NSMCE1: variants seen among roughly 807,000 people sequenced by gnomAD.
NSMCE1 encodes the protein NSE1 component of SMC5/6 complex.
NSMCE1 carries 18 observed loss-of-function variants against 29.6 expected under a neutral mutation model. That is an observed-to-expected ratio of 0.61 (90% CI 0.42 to 0.90). The LOEUF is 0.90. Ranked by LOEUF, NSMCE1 falls within the 40% of genes least tolerant of loss-of-function variation. The probability of loss-of-function intolerance (pLI) is 0.00; values close to 1 mark genes in which losing one functional copy is unlikely to be tolerated. For missense variants in NSMCE1, 314 were observed against 343.6 expected, an observed-to-expected ratio of 0.91 and a Z score of 0.68; for synonymous variants, 124 against 133.4, an observed-to-expected ratio of 0.93 and a Z score of 0.49.
intron 2 of NSMCE1, among the ~76,000 whole-genome samples, chr16:27,248,393 C>T (rs189071193): frequency 5.0e-5 from 7 of 139,294 alleles, no homozygotes; most frequent in Admixed American, 3.6e-4. Flanking sequence ...TAGCTCACTG[C>T]GGTTTTAGTT....
chr16:27,231,529 T>C lies in NSMCE1; in HGVS notation c.483+1472A>G, dbSNP rs146235012. Among the ~76,000 whole-genome samples the C allele has an allele frequency of 1.8e-3, 278 of 151,794 alleles. 1 individual carries two copies. The highest frequency in any genetic ancestry group is 6.5e-3 in the African/African-American group (269 of 41,368). On this transcript the variant is annotated intron_variant, in intron 5 of 7. Coordinates refer to ENST00000361439, the MANE Select transcript of NSMCE1 (RefSeq NM_145080.4). Reference sequence around the variant, plus strand: ...GCGCATGCTTGTGATTCCAGCTACTTGGGAGGCTGAGGCAGGAGAATCGCT... The same window carrying C: ...GCGCATGCTTGTGATTCCAGCTACTCGGGAGGCTGAGGCAGGAGAATCGCT...
In NSMCE1 at chr16:27,265,050, T is replaced by C. The variant is rs115358507; in HGVS notation, c.-12+3656A>G. The stretch of plus-strand genomic sequence containing the variant: ...CTCAATGTTATCAGACAAATGATTA[T>C]GAAAACCACAGTGAAGGAATGTCTT... On this transcript the variant is annotated intron_variant, in intron 1 of 7. Coordinates refer to ENST00000361439, the MANE Select transcript of NSMCE1 (RefSeq NM_145080.4). 8.1e-3 allele frequency among the ~76,000 whole-genome samples: 1,234 copies of C among 151,724 alleles called. 11 individuals are homozygous for C. The highest frequency in any genetic ancestry group is 0.028 in the African/African-American group (1,139 of 41,336).
At position 27,264,283 on chromosome 16, in the gene NSMCE1, G is replaced by A. The variant is rs374863339; in HGVS notation, c.-12+4423C>T. ...AGGTACTCATGATACTGAGGTGGGA[G>A]GACTGCTTCAGCTCGGGATGTCGAG... On this transcript the variant is annotated intron_variant, in intron 1 of 7. Coordinates refer to ENST00000361439, the MANE Select transcript of NSMCE1 (RefSeq NM_145080.4). Among the ~76,000 whole-genome samples the A allele has an allele frequency of 2.5e-4, 38 of 152,286 alleles. No homozygotes were observed. The South Asian group carries it at 7.9e-3, about 32-fold the overall frequency.
rs758889746 is a variant in NSMCE1 at position 27,257,523 on chromosome 16, C to T, written c.48G>A (p.Arg16=). 6 of 1,613,860 alleles carry T rather than the reference C, an allele frequency of 3.7e-6. No individual in the cohort carries two copies. In the African/African-American group the frequency reaches 6.7e-5, roughly 18 times the overall value. Residue 16 remains arginine, a synonymous_variant, in exon 2 of 8, where the codon CGG becomes CGA. Coordinates refer to ENST00000361439, the MANE Select transcript of NSMCE1 (RefSeq NM_145080.4). The stretch of plus-strand genomic sequence containing the variant: ...GGGTCATCAGCAACTGGAGGAAGCG[C>T]CGGTGGACATCAGTCATGACGCCCA... ...RRMGVMTDVH[R]RFLQLLMTHG... is the part of the protein sequence containing the mutation.
chr16:27,249,192 T>C (rs1475023323), intron 2 of NSMCE1, among the ~76,000 whole-genome samples: 2 of 152,378 alleles, frequency 1.3e-5, no homozygotes, highest in Admixed American at 6.5e-5. Flanking sequence ...ATACAAGTCA[T>C]TCATTAAATA....
chr16:27,228,183 T>G (rs758122747), intron 5 of NSMCE1, among the ~76,000 whole-genome samples: 1 of 152,144 alleles, frequency 6.6e-6, no homozygotes, highest in East Asian at 1.9e-4. Flanking sequence ...GGGCTCACAG[T>G]GCGTTCGCTC....
At chr16:27,264,719 A>C (rs1439863424) in intron 1 of NSMCE1, among the ~76,000 whole-genome samples, 1 of 152,192 alleles carries the variant, frequency 6.6e-6, no homozygotes, top group African/African-American at 2.4e-5. Flanking sequence ...AGGGTAGGGA[A>C]GGATTTCTTT....
At chr16:27,249,452 A>G (rs1309633090) in intron 2 of NSMCE1, among the ~76,000 whole-genome samples, 1 of 152,156 alleles carries the variant, frequency 6.6e-6, no homozygotes, top group Non-Finnish European at 1.5e-5. Context: ...TAATTTTTGT[A>G]TTTGGTGCAA....
chr16:27,231,590 T>C (rs1439593915), intron 5 of NSMCE1, among the ~76,000 whole-genome samples: 1 of 151,322 alleles, frequency 6.6e-6, no homozygotes, highest in African/African-American at 2.4e-5. Flanking sequence ...TGAGCCAAGA[T>C]TGCACCATTG....
intron 2 of NSMCE1, among the ~76,000 whole-genome samples, chr16:27,255,251 T>C (rs1196605343): frequency 6.6e-6 from 1 of 152,096 alleles, no homozygotes; most frequent in East Asian, 1.9e-4. Flanking sequence ...TACAAAAGTC[T>C]CTCACCAAAG....
chr16:27,239,115 G>A (rs2083861004), intron 2 of NSMCE1, among the ~76,000 whole-genome samples: 1 of 152,100 alleles, frequency 6.6e-6, no homozygotes, highest in African/African-American at 2.4e-5. Context: ...CAAGTGATCT[G>A]CCCACCTGTC....
chr16:27,263,436 C>G (rs1441702356), intron 1 of NSMCE1, among the ~76,000 whole-genome samples: 1 of 152,154 alleles, frequency 6.6e-6, no homozygotes, highest in Admixed American at 6.5e-5. Context: ...TGCAAGCTAA[C>G]ACAGGAATAG....
rs1360637979 is a variant in NSMCE1, at chr16:27,235,314, A to G, written c.137-15T>C. 1 of 1,611,212 alleles carries G rather than the reference A, an allele frequency of 6.2e-7. No homozygotes were observed. The highest frequency in any genetic ancestry group is 8.5e-7 in the Non-Finnish European group (1 of 1,179,546). ...GGTGGCATTGCCTGGAAATAAACAG[A>G]CCAAAAAAAGGGGGGTGACCAGGGG... On this transcript the variant is annotated splice_polypyrimidine_tract_variant and intron_variant, in intron 2 of 7. Coordinates refer to ENST00000361439, the MANE Select transcript of NSMCE1 (RefSeq NM_145080.4).
chr16:27,257,425 C>T lies in NSMCE1; in HGVS notation c.136+10G>A, dbSNP rs371026891. 2.4e-4 allele frequency: 385 copies of T among 1,601,826 alleles called. 2 individuals are homozygous for T. The South Asian group carries it at 3.0e-3, about 12-fold the overall frequency. The stretch of plus-strand genomic sequence containing the variant: ...CCAGAGCGCCCTGGGAACAGGGAAA[C>T]GGTACTCACGGTCATGGACCTTGTA... On this transcript the variant is annotated intron_variant, in intron 2 of 7. Coordinates refer to ENST00000361439, the MANE Select transcript of NSMCE1 (RefSeq NM_145080.4).
intron 3 of NSMCE1, among the ~76,000 whole-genome samples, chr16:27,234,880 G>A (rs1003218363): frequency 2.6e-5 from 4 of 152,212 alleles, no homozygotes; most frequent in Non-Finnish European, 4.4e-5. Context: ...GGGAGTCGGC[G>A]GCAGGAGGGA....
intron 2 of NSMCE1, among the ~76,000 whole-genome samples, chr16:27,252,115 C>T (rs1464175076): frequency 1.3e-5 from 2 of 152,164 alleles, no homozygotes; most frequent in East Asian, 1.9e-4. Context: ...GTTCCTGGTA[C>T]AGAACTTCTA....
chr16:27,230,787 T>G (rs2140987843), intron 5 of NSMCE1: 1 of 152,530 alleles, frequency 6.6e-6, no homozygotes, highest in Admixed American at 6.5e-5. Flanking sequence ...CCGGATCCTC[T>G]GTCCACCCTC....
intron 2 of NSMCE1, among the ~76,000 whole-genome samples, chr16:27,237,986 T>G (rs150375125): frequency 2.6e-5 from 4 of 152,336 alleles, no homozygotes; most frequent in Non-Finnish European, 5.9e-5. Flanking sequence ...ATCAGGGTCA[T>G]GTCCACGATC....
intron 6 of NSMCE1, chr16:27,226,336 G>C: frequency 4.3e-6 from 1 of 233,572 alleles, no homozygotes; most frequent in Admixed American, 5.1e-5. Flanking sequence ...CAATGTCCAC[G>C]CTGGTTCAGC....
Sources: allele counts gnomAD v4.1 joint callset (sites outside exome capture counted in the v4.1 genomes callset), GRCh38; gene constraint gnomAD v4.1.1; transcripts MANE v1.5; gene names NCBI Gene and HGNC (gene_info 2026-07-23, HGNC 2026-07-21).